L3MBTL3: variants seen among roughly 807,000 people sequenced by gnomAD.
L3MBTL3 encodes lethal(3)malignant brain tumor-like protein 3.
L3MBTL3 carries 27 observed loss-of-function variants against 102.3 expected under a neutral mutation model. The ratio of observed to expected loss-of-function variants is 0.26; its 90% CI spans 0.19 to 0.36. L3MBTL3 has a LOEUF of 0.36. L3MBTL3 is among the 10% of genes least tolerant of loss of function. The probability of loss-of-function intolerance (pLI) is 1.00; values close to 1 mark genes in which losing one functional copy is unlikely to be tolerated. For synonymous variants in L3MBTL3, 340 were observed against 320.9 expected, an observed-to-expected ratio of 1.06 and a Z score of -0.64; for missense variants, 798 against 955.3, an observed-to-expected ratio of 0.84 and a Z score of 2.17.
rs552826766 is a variant in L3MBTL3, at chr6:130,107,565, T to G, written c.1886+2990T>G. On this transcript the variant is annotated intron_variant, in intron 19 of 22. Coordinates refer to ENST00000361794, the MANE Select transcript of L3MBTL3 (RefSeq NM_032438.4). ...AGTAAAACTAAATGACAATAAATAC[T>G]GATATATTAAAAAAACATTTGTTAA... Among the ~76,000 whole-genome samples, 8 of 152,330 alleles carry G rather than the reference T, an allele frequency of 5.3e-5. No homozygotes were observed. The East Asian group carries it at 9.6e-4, about 18-fold the overall frequency.
intron 12 of L3MBTL3, among the ~76,000 whole-genome samples, chr6:130,069,234 T>C (rs9492440): frequency 0.26 from 39,132 of 152,092 alleles, 5,561 homozygotes; most frequent in African/African-American, 0.34. Context: ...GTTCCTCCTT[T>C]CCAGAGTCAC....
chr6:130,056,477 C>G (rs188417951), intron 8 of L3MBTL3, among the ~76,000 whole-genome samples: 1 of 152,312 alleles, frequency 6.6e-6, no homozygotes, highest in East Asian at 1.9e-4. Context: ...CCAGGTGCTT[C>G]TCCTCAGTGC....
In L3MBTL3 at chr6:130,071,026, C is replaced by T. The variant is rs1251221012; in HGVS notation, c.1143C>T (p.Asp381=). 1.9e-6 allele frequency: 3 copies of T among 1,612,946 alleles called. No homozygotes were observed. Among genetic ancestry groups the T allele is most frequent in the South Asian group, 1.1e-5 (1 of 91,032 alleles). The part of the protein sequence containing the change: ...FRVGMKLEAV[D]KKNPSFICVA... ...TTGGTATGAAGCTTGAGGCAGTAGA[C>T]AAAAAGAATCCCTCATTCATCTGTG... is the stretch of plus-strand genomic sequence containing the variant. Residue 381 remains aspartate, a synonymous_variant, in exon 13 of 23, where the codon GAC becomes GAT. Transcript: ENST00000361794.
intron 20 of L3MBTL3, among the ~76,000 whole-genome samples, chr6:130,130,152 A>G (rs1356242445): frequency 2.0e-5 from 3 of 152,136 alleles, no homozygotes; most frequent in African/African-American, 7.2e-5. Flanking sequence ...TGCAGAGGCA[A>G]CCACAGACAT....
intron 14 of L3MBTL3, among the ~76,000 whole-genome samples, chr6:130,079,819 A>G (rs1233331984): frequency 2.0e-5 from 3 of 152,214 alleles, no homozygotes; most frequent in Admixed American, 1.3e-4. Flanking sequence ...AGGAGGACCT[A>G]TCATTCCTGT....
intron 20 of L3MBTL3, among the ~76,000 whole-genome samples, chr6:130,124,698 T>C (rs1183848240): frequency 1.3e-5 from 2 of 152,180 alleles, no homozygotes; most frequent in Non-Finnish European, 2.9e-5. Context: ...GGGCCAGGTG[T>C]GGTGGCTCAC....
intron 8 of L3MBTL3, among the ~76,000 whole-genome samples, chr6:130,056,089 G>A (rs1781490461): frequency 6.6e-6 from 1 of 151,950 alleles, no homozygotes; most frequent in Non-Finnish European, 1.5e-5. Context: ...CACCAAGCCT[G>A]GCTAATTTTT....
chr6:130,116,868 CAAT>C (rs1232867061), intron 19 of L3MBTL3, among the ~76,000 whole-genome samples: 2 of 151,562 alleles, frequency 1.3e-5, no homozygotes, highest in African/African-American at 2.4e-5. Context: ...TTTAGGTTGA[CAAT>C]AATTGTGGTA....
chr6:130,029,364 G>C (rs918283195), intron 2 of L3MBTL3, among the ~76,000 whole-genome samples: 1 of 152,130 alleles, frequency 6.6e-6, no homozygotes, highest in African/African-American at 2.4e-5. Context: ...GTTTGCCTGT[G>C]TACCAGCTCT....
chr6:130,064,120 G>A (rs1782091166), intron 10 of L3MBTL3, among the ~76,000 whole-genome samples: 1 of 152,186 alleles, frequency 6.6e-6, no homozygotes, highest in Non-Finnish European at 1.5e-5. Context: ...GACTTGGTTA[G>A]GTGGAGACAA....
chr6:130,089,374 T>C (rs1022460606), intron 16 of L3MBTL3, among the ~76,000 whole-genome samples: 6 of 152,144 alleles, frequency 3.9e-5, no homozygotes, highest in Non-Finnish European at 8.8e-5. Context: ...GCTTCATCCA[T>C]GTCCCTGCAG....
intron 2 of L3MBTL3, among the ~76,000 whole-genome samples, chr6:130,028,725 T>A (rs1392410581): frequency 6.6e-6 from 1 of 152,236 alleles, no homozygotes; most frequent in East Asian, 1.9e-4. Flanking sequence ...GTGTGTTTGT[T>A]GAGAGATGCT....
At chr6:130,021,564 C>A (rs773718077) in intron 1 of L3MBTL3, among the ~76,000 whole-genome samples, 1 of 152,188 alleles carries the variant, frequency 6.6e-6, no homozygotes, top group African/African-American at 2.4e-5. Flanking sequence ...ATTAACGAGT[C>A]TCAGCTGATG....
At position 130,120,868 on chromosome 6, in the gene L3MBTL3, G is replaced by C. The variant is rs370978103; in HGVS notation, c.1887-11G>C. 2.1e-5 allele frequency: 34 copies of C among 1,602,166 alleles called. No homozygotes were observed. Among genetic ancestry groups the C allele is most frequent in the Non-Finnish European group, 2.5e-5 (29 of 1,171,534 alleles). On this transcript the variant is annotated splice_polypyrimidine_tract_variant and intron_variant, in intron 19 of 22. Transcript: ENST00000361794. ...TCTCTTATAAAATATTGAAATGCCT[G>C]TTTTTCTTAGAGACCAGCATGCTGA...
chr6:130,062,405 G>T (rs1422048440), intron 10 of L3MBTL3, among the ~76,000 whole-genome samples: 3 of 149,466 alleles, frequency 2.0e-5, no homozygotes, highest in African/African-American at 7.4e-5. Flanking sequence ...TTTTTTCCGA[G>T]ACAGGGTCCG....
chr6:130,042,872 A>T, intron 3 of L3MBTL3, 71 bp downstream of exon 3: 1 of 983,460 alleles, frequency 1.0e-6, no homozygotes, highest in South Asian at 1.3e-5. Flanking sequence ...AATTGGATAC[A>T]TATGTGAAAT....
chr6:130,088,371 A>G (rs1783822021), intron 16 of L3MBTL3, among the ~76,000 whole-genome samples: 1 of 152,172 alleles, frequency 6.6e-6, no homozygotes, highest in African/African-American at 2.4e-5. Flanking sequence ...GAGTTTATCT[A>G]ATAAGTGGGA....
chr6:130,132,779 T>C (rs1213589248), intron 20 of L3MBTL3, among the ~76,000 whole-genome samples: 1 of 151,234 alleles, frequency 6.6e-6, no homozygotes, highest in Non-Finnish European at 1.5e-5. Context: ...TTTTTTTTTT[T>C]CTTTCAAGAG....
chr6:130,032,619 C>T (rs1264802938), intron 2 of L3MBTL3, among the ~76,000 whole-genome samples: 1 of 152,218 alleles, frequency 6.6e-6, no homozygotes, highest in Non-Finnish European at 1.5e-5. Context: ...CCTATCTCAT[C>T]TGTCTTCACC....
Sources: allele counts gnomAD v4.1 joint callset (sites outside exome capture counted in the v4.1 genomes callset), GRCh38; gene constraint gnomAD v4.1.1; transcripts MANE v1.5; gene names NCBI Gene and HGNC (gene_info 2026-07-23, HGNC 2026-07-21).